Variants in EYS observed in about 807,000 individuals in gnomAD.
The protein encoded by EYS is protein eyes shut homolog.
In EYS, 250 loss-of-function variants were observed where a neutral mutation model predicts 282.1. The observed-to-expected ratio is 0.89, with a 90% CI of 0.80 to 0.98. EYS has a LOEUF of 0.98. Ranked by LOEUF, EYS falls within the 50% of genes least tolerant of loss-of-function variation. The probability of loss-of-function intolerance (pLI) is 0.00; values close to 1 mark genes in which losing one functional copy is unlikely to be tolerated. For missense variants in EYS, 4,016 were observed against 3,709.0 expected (o/e 1.08, Z -2.15); for synonymous variants, 1,355 against 1,282.9 (o/e 1.06, Z -1.20).
chr6:64,854,531 G>C (rs1765993092), intron 19 of EYS, among the ~76,000 whole-genome samples: 1 of 137,870 alleles, frequency 7.3e-6, no homozygotes, highest in African/African-American at 2.7e-5. Context: ...TCATAGGTGG[G>C]AATTGAACAA....
intron 12 of EYS, among the ~76,000 whole-genome samples, chr6:65,139,703 A>C (rs1304631350): frequency 6.6e-6 from 1 of 152,042 alleles, no homozygotes; most frequent in African/African-American, 2.4e-5. Flanking sequence ...TTAGCCAGAG[A>C]GGTGTCAGCA....
At chr6:65,268,703 T>C (rs911449054) in intron 12 of EYS, among the ~76,000 whole-genome samples, 16 of 152,074 alleles carry the variant, frequency 1.1e-4, no homozygotes, top group Non-Finnish European at 1.8e-4. Flanking sequence ...ATTCTCATTC[T>C]CTAGAAAGAA....
At chr6:64,232,893 A>C (rs1245535240) in intron 30 of EYS, among the ~76,000 whole-genome samples, 1 of 152,190 alleles carries the variant, frequency 6.6e-6, no homozygotes, top group African/African-American at 2.4e-5. Context: ...TTGCGATATA[A>C]GTTTGTCTCT....
chr6:64,839,182 T>C (rs1765485376), intron 19 of EYS, among the ~76,000 whole-genome samples: 1 of 152,058 alleles, frequency 6.6e-6, no homozygotes, highest in African/African-American at 2.4e-5. Flanking sequence ...GAATTAATTT[T>C]TGCTTGAGCA....
At chr6:64,961,193 A>AGT (rs1377700305) in intron 14 of EYS, among the ~76,000 whole-genome samples, 2 of 152,112 alleles carry the variant, frequency 1.3e-5, no homozygotes, top group Non-Finnish European at 2.9e-5. Context: ...AGGGTTGAAT[A>AGT]GTGGTTCTGT....
At chr6:64,102,917 T>C (rs2150260186) in intron 31 of EYS, among the ~76,000 whole-genome samples, 1 of 152,264 alleles carries the variant, frequency 6.6e-6, no homozygotes, top group South Asian at 2.1e-4. Context: ...ACTTCAAATA[T>C]CTGTAGTGAT....
intron 26 of EYS, among the ~76,000 whole-genome samples, chr6:64,520,352 T>C (rs1383539072): frequency 6.6e-6 from 1 of 151,784 alleles, no homozygotes; most frequent in Non-Finnish European, 1.5e-5. Flanking sequence ...ACTTTTTTTC[T>C]GTCATATTAA....
intron 29 of EYS, among the ~76,000 whole-genome samples, chr6:64,346,248 C>A (rs1397392161): frequency 6.6e-6 from 1 of 152,066 alleles, no homozygotes; most frequent in Non-Finnish European, 1.5e-5. Flanking sequence ...AAGACACATG[C>A]ATACGTATGT....
At chr6:64,693,124 T>C (rs951418859) in intron 22 of EYS, among the ~76,000 whole-genome samples, 4 of 151,454 alleles carry the variant, frequency 2.6e-5, no homozygotes, top group Admixed American at 6.6e-5. Flanking sequence ...GTAAATTAGT[T>C]CTACTCTAGA....
intron 26 of EYS, among the ~76,000 whole-genome samples, chr6:64,539,094 C>T (rs1007565344): frequency 6.6e-6 from 1 of 152,130 alleles, no homozygotes; most frequent in Admixed American, 6.5e-5. Context: ...ATAATGACCT[C>T]AAGTTCTGTG....
At chr6:64,622,611 T>C (rs1336735922) in intron 23 of EYS, among the ~76,000 whole-genome samples, 1 of 152,116 alleles carries the variant, frequency 6.6e-6, no homozygotes. Context: ...GAGGTGGAGT[T>C]ACCCAGGATG....
chr6:64,440,286 T>C (rs1380987073), intron 26 of EYS, among the ~76,000 whole-genome samples: 2 of 152,058 alleles, frequency 1.3e-5, no homozygotes, highest in African/African-American at 4.8e-5. Flanking sequence ...CTATGTGTGC[T>C]GTCTTTATTT....
rs1030331690 is a variant in EYS, at chr6:64,130,318, A to T, written c.6425-48316T>A. On this transcript the variant is annotated intron_variant, in intron 31 of 42. Coordinates refer to ENST00000503581, the MANE Select transcript of EYS (RefSeq NM_001142800.2). ...TGCAGCCATAAAAGAGGATGAGTTC[A>T]TGTCCTTTGTAGGGACATGGATGAA... Among the ~76,000 whole-genome samples, 12 of 152,326 alleles carry T rather than the reference A, an allele frequency of 7.9e-5. 1 individual carries two copies. The highest frequency in any genetic ancestry group is 2.9e-4 in the African/African-American group (12 of 41,574).
chr6:64,659,568 C>A (rs1474907074), intron 22 of EYS, among the ~76,000 whole-genome samples: 1 of 151,980 alleles, frequency 6.6e-6, no homozygotes, highest in Non-Finnish European at 1.5e-5. Flanking sequence ...CCACCGATCC[C>A]ACAGAAATAC....
chr6:64,575,206 G>A (rs2149820331), intron 26 of EYS, among the ~76,000 whole-genome samples: 1 of 152,120 alleles, frequency 6.6e-6, no homozygotes, highest in Non-Finnish European at 1.5e-5. Context: ...TTATCCACAT[G>A]AAAATATGGA....
At chr6:65,652,096 TAA>T (rs1323726876) in intron 1 of EYS, among the ~76,000 whole-genome samples, 2 of 151,774 alleles carry the variant, frequency 1.3e-5, no homozygotes, top group Non-Finnish European at 2.9e-5. Flanking sequence ...AAAACAACTA[TAA>T]AAATGTGTAG....
At chr6:64,769,326 AAGAC>A (rs1489412914) in intron 22 of EYS, among the ~76,000 whole-genome samples, 1 of 152,114 alleles carries the variant, frequency 6.6e-6, no homozygotes, top group Non-Finnish European at 1.5e-5. Context: ...CAGCCACAGA[AAGAC>A]AGAAATAAAT....
At chr6:65,641,610 A>G (rs534424007) in intron 1 of EYS, among the ~76,000 whole-genome samples, 107 of 152,346 alleles carry the variant, frequency 7.0e-4, no homozygotes, top group Non-Finnish European at 1.3e-3. Context: ...TTACAGTGGT[A>G]GTGCTCACAT....
chr6:64,027,549 A>G (rs1375712125), intron 33 of EYS, among the ~76,000 whole-genome samples: 1 of 152,202 alleles, frequency 6.6e-6, no homozygotes, highest in Non-Finnish European at 1.5e-5. Flanking sequence ...AAGATCAGAG[A>G]AAGTCCGCAG....
Sources: allele counts gnomAD v4.1 joint callset (sites outside exome capture counted in the v4.1 genomes callset), GRCh38; gene constraint gnomAD v4.1.1; transcripts MANE v1.5; gene names NCBI Gene and HGNC (gene_info 2026-07-23, HGNC 2026-07-21).